TMEM164: variants seen among roughly 807,000 people sequenced by gnomAD.
The protein encoded by TMEM164 is transmembrane protein 164.
Under a neutral mutation model 18.8 loss-of-function variants are expected in TMEM164, and 4 were observed. The ratio of observed to expected loss-of-function variants is 0.21; its 90% CI spans 0.10 to 0.49. TMEM164 has a LOEUF of 0.49. Among genes scored for constraint, TMEM164 ranks in the 20% least tolerant of loss-of-function variants. The probability of loss-of-function intolerance (pLI) is 0.98; values close to 1 mark genes in which losing one functional copy is unlikely to be tolerated. For synonymous variants in TMEM164, 86 were observed against 101.7 expected (o/e 0.85, Z 0.93); for missense variants, 108 against 239.9 (o/e 0.45, Z 3.63).
At chrX:110,134,718 G>A (rs750698052) in intron 4 of TMEM164, among the ~76,000 whole-genome samples, 1 of 109,142 alleles carries the variant, frequency 9.2e-6, no homozygotes, top group South Asian at 4.1e-4. Context: ...GGTGAGGAGT[G>A]GGAGTAGGGT....
chrX:110,051,246 G>A (rs1424556490), intron 2 of TMEM164, among the ~76,000 whole-genome samples: 1 of 111,959 alleles, frequency 8.9e-6, no homozygotes, highest in African/African-American at 3.2e-5. Context: ...GAAATCAGCT[G>A]GAGCACTTTA....
intron 2 of TMEM164, among the ~76,000 whole-genome samples, chrX:110,037,112 T>TAGAG (rs201255587): frequency 6.6e-5 from 7 of 106,409 alleles, no homozygotes; most frequent in South Asian, 4.1e-4. Context: ...GGTAGAGCCG[T>TAGAG]AGAGAGAGAG....
chrX:110,073,319 A>G (rs945249320), intron 3 of TMEM164, among the ~76,000 whole-genome samples: 1 of 111,893 alleles, frequency 8.9e-6, no homozygotes, highest in Non-Finnish European at 1.9e-5. Context: ...TACAGGCATG[A>G]GCTACTATGC....
chrX:110,101,660 G>A (rs2066113081), intron 3 of TMEM164, among the ~76,000 whole-genome samples: 1 of 105,922 alleles, frequency 9.4e-6, no homozygotes, highest in African/African-American at 3.5e-5. Flanking sequence ...GCTCACTGCA[G>A]CCTCGACCTC....
chrX:110,123,573 T>C (rs1300994454), intron 4 of TMEM164, among the ~76,000 whole-genome samples: 2 of 112,481 alleles, frequency 1.8e-5, no homozygotes, highest in Admixed American at 9.4e-5. Flanking sequence ...CCCTGTTGCA[T>C]AAGTACTGAA....
rs1303593557 is a variant in TMEM164 at position 110,025,971 on chromosome X, A to G, written c.390+21807A>G. On this transcript the variant is annotated intron_variant, in intron 2 of 6. Transcript: ENST00000372068. ...CCCAATCACTGTCATTATGTTTTTC[A>G]TTTGTAAAATGGAGCTAAAAATTCT... Among the ~76,000 whole-genome samples the G allele has an allele frequency of 4.4e-5, 5 of 112,685 alleles. No homozygotes were observed. In the East Asian group the frequency reaches 1.4e-3, roughly 31 times the overall value.
intron 2 of TMEM164, among the ~76,000 whole-genome samples, chrX:110,012,565 C>T (rs1028404901): frequency 8.9e-6 from 1 of 112,105 alleles, no homozygotes. Flanking sequence ...TCTTCTCTCC[C>T]GCTAAAGCCC....
At chrX:110,020,228 G>A (rs775364615) in intron 2 of TMEM164, 8 of 234,508 alleles carry the variant, frequency 3.4e-5, no homozygotes, top group Non-Finnish European at 4.8e-5. Context: ...ACAGCTTCTG[G>A]TACATTCTAG....
intron 2 of TMEM164, among the ~76,000 whole-genome samples, chrX:110,053,824 C>T (rs1383603820): frequency 4.5e-5 from 5 of 111,861 alleles, no homozygotes; most frequent in African/African-American, 1.6e-4. Flanking sequence ...GAGGAGGACT[C>T]CTGTGGCTCC....
At chrX:110,031,432 A>G (rs1414926399) in intron 2 of TMEM164, among the ~76,000 whole-genome samples, 1 of 111,024 alleles carries the variant, frequency 9.0e-6, no homozygotes, top group Non-Finnish European at 1.9e-5. Flanking sequence ...CTATCTACCC[A>G]CTTCAGCTTT....
At chrX:110,070,303 G>A (rs1430911580) in intron 3 of TMEM164, among the ~76,000 whole-genome samples, 1 of 111,276 alleles carries the variant, frequency 9.0e-6, no homozygotes, top group Non-Finnish European at 1.9e-5. Context: ...GGAACAGAGT[G>A]AGACTCTGTC....
rs144687954 is a variant in TMEM164, at chrX:110,104,554, T to C, written c.441-4526T>C. The stretch of plus-strand genomic sequence containing the variant: ...CAAGGAAAAGTTGAATTGCTTGATA[T>C]GCACCATAGATTGAGGACTGCAGCT... On this transcript the variant is annotated intron_variant, in intron 3 of 6. Coordinates refer to ENST00000372068, the MANE Select transcript of TMEM164 (RefSeq NM_032227.4). Among the ~76,000 whole-genome samples, 23 of 112,129 alleles carry C rather than the reference T, an allele frequency of 2.1e-4. 1 individual carries two copies. In the East Asian group the frequency reaches 5.0e-3, roughly 24 times the overall value.
intron 2 of TMEM164, among the ~76,000 whole-genome samples, chrX:110,025,313 G>A (rs1934131910): frequency 8.9e-6 from 1 of 111,845 alleles, no homozygotes; most frequent in African/African-American, 3.3e-5. Flanking sequence ...CTGCTCACTG[G>A]TCCTAGGTCA....
intron 4 of TMEM164, among the ~76,000 whole-genome samples, chrX:110,136,038 G>A (rs1310109298): frequency 9.0e-6 from 1 of 110,978 alleles, no homozygotes; most frequent in African/African-American, 3.3e-5. Flanking sequence ...ATCCAGTGAA[G>A]TTTCAAGTAT....
intron 5 of TMEM164, among the ~76,000 whole-genome samples, chrX:110,152,093 G>A (rs1196554019): frequency 2.4e-5 from 2 of 82,618 alleles, no homozygotes; most frequent in African/African-American, 1.0e-4. Flanking sequence ...GTCTCACTCT[G>A]TTGCCAGGCT....
Position 110,021,676 on chromosome X carries a change from G to A in TMEM164, c.390+17512G>A, listed in dbSNP as rs773373036. On this transcript the variant is annotated intron_variant, in intron 2 of 6. Coordinates refer to ENST00000372068, the MANE Select transcript of TMEM164 (RefSeq NM_032227.4). ...GAATACCAATTTTAGTAGTAGGGAA[G>A]CTTCCAGAAAAGCATGAGATCTCAG... Among the ~76,000 whole-genome samples, 8 of 111,659 alleles carry A rather than the reference G, an allele frequency of 7.2e-5. No individual in the cohort carries two copies. In the South Asian group the frequency reaches 2.2e-3, roughly 31 times the overall value.
At position 110,176,299 on chromosome X, in the gene TMEM164, T is replaced by C; in HGVS notation, c.*2848T>C. The C allele has an allele frequency of 1.3e-6, 1 of 756,116 alleles. No homozygotes were observed. The highest frequency in any genetic ancestry group is 3.9e-4 in the Middle Eastern group (1 of 2,566). The allele number at this position is 756,116 out of a possible 1,213,427, so 62.3% of individuals were successfully genotyped here. A position where few individuals can be genotyped will look rare whatever the true frequency, so the allele number is the denominator to read the frequency against. On this transcript the variant is annotated 3_prime_UTR_variant, in exon 7 of 7. Coordinates refer to ENST00000372068, the MANE Select transcript of TMEM164 (RefSeq NM_032227.4). ...GAGACCCAGTCACGCCTGCTTCTGGTCCTCCCTGCCCTCAGTATTTGGTTT... is the reference window on the plus strand; with the variant it reads ...GAGACCCAGTCACGCCTGCTTCTGGCCCTCCCTGCCCTCAGTATTTGGTTT...
intron 2 of TMEM164, among the ~76,000 whole-genome samples, chrX:110,009,886 G>A (rs376268233): frequency 3.6e-5 from 4 of 110,059 alleles, no homozygotes; most frequent in East Asian, 5.7e-4. Flanking sequence ...CCAGCTACTC[G>A]GGAGGCTGAG....
chrX:110,080,888 ATTTTTTTTTTTTTTT>A (rs367869176), intron 3 of TMEM164, among the ~76,000 whole-genome samples: 8 of 74,539 alleles, frequency 1.1e-4, no homozygotes, highest in African/African-American at 3.8e-4. Flanking sequence ...CTAGCTAATA[ATTTTTTTTTTTTTTT>A]TTTTTTTTTT....
Sources: allele counts gnomAD v4.1 joint callset (sites outside exome capture counted in the v4.1 genomes callset), GRCh38; gene constraint gnomAD v4.1.1; transcripts MANE v1.5; gene names NCBI Gene and HGNC (gene_info 2026-07-23, HGNC 2026-07-21).